HSF5: variants seen among roughly 807,000 people sequenced by gnomAD.
HSF5 encodes the protein heat shock factor protein 5.
Under a neutral mutation model 50.8 loss-of-function variants are expected in HSF5, and 5 were observed. That is an observed-to-expected ratio of 0.10 (90% confidence interval 0.05 to 0.21). The LOEUF (loss-of-function observed/expected upper bound fraction) is 0.21. Ranked by LOEUF, HSF5 falls within the 10% of genes least tolerant of loss-of-function variation. HSF5 has a pLI of 1.00. For synonymous variants in HSF5, 307 were observed against 307.4 expected (o/e 1.00, Z 0.02); for missense variants, 564 against 762.6 (o/e 0.74, Z 3.07).
At chr17:58,481,830 T>A (rs1975101745) in intron 1 of HSF5, among the ~76,000 whole-genome samples, 1 of 152,070 alleles carries the variant, frequency 6.6e-6, no homozygotes, top group Non-Finnish European at 1.5e-5. Flanking sequence ...TGAAACCCCA[T>A]CTCTACAAAA....
At chr17:58,455,823 C>T (rs1037653363) in intron 5 of HSF5, among the ~76,000 whole-genome samples, 1 of 151,606 alleles carries the variant, frequency 6.6e-6, no homozygotes, top group African/African-American at 2.4e-5. Context: ...ATAAAAAAGA[C>T]AAAAAATAAC....
chr17:58,458,617 T>C (rs1875520861), intron 5 of HSF5, 151 bp downstream of exon 5: 1 of 580,174 alleles, frequency 1.7e-6, no homozygotes, highest in Admixed American at 3.5e-5. Flanking sequence ...AGAACAAATA[T>C]AGAGTTAAAA....
In HSF5 at chr17:58,473,440, A is replaced by C. The variant is rs564649599; in HGVS notation, c.925+6453T>G. On this transcript the variant is annotated intron_variant, in intron 2 of 5. Coordinates refer to ENST00000323777, the MANE Select transcript of HSF5 (RefSeq NM_001080439.3). ...GATGAATATTCTTAAGTATGTTCAA[A>C]TATATAGTGGAGAATAAGTAAAATT... 4.6e-5 allele frequency among the ~76,000 whole-genome samples: 7 copies of C among 152,324 alleles called. No homozygotes were observed. The South Asian group carries it at 1.2e-3, about 27-fold the overall frequency.
At chr17:58,467,792 G>A (rs1974888490) in intron 2 of HSF5, among the ~76,000 whole-genome samples, 1 of 152,230 alleles carries the variant, frequency 6.6e-6, no homozygotes, top group Admixed American at 6.5e-5. Flanking sequence ...AGGACACTGT[G>A]AAAAGATTGA....
Position 58,463,202 on chromosome 17 carries a change from A to G in HSF5, c.1122T>C (p.Ala374=), listed in dbSNP as rs1418039905. 2 of 1,614,106 alleles carry G rather than the reference A, an allele frequency of 1.2e-6. No individual in the cohort carries two copies. Among genetic ancestry groups the G allele is most frequent in the African/African-American group, 1.3e-5 (1 of 74,936 alleles). The part of the protein sequence containing the change: ...ENTKTEVNLE[A]VFQIVDELHS... ...GCAACTCATCAACTATCTGAAAGAC[A>G]GCCTCTAGGTTTACTTCTGTCTTTG... The change falls in exon 4 of 6, where the codon GCT becomes GCC. Residue 374 remains alanine, a synonymous_variant. Transcript: ENST00000323777.
At chr17:58,437,091 A>G (rs1974437473) in intron 5 of HSF5, among the ~76,000 whole-genome samples, 1 of 152,204 alleles carries the variant, frequency 6.6e-6, no homozygotes. Context: ...GAGGTCAAAG[A>G]AAGTGGGCCA....
chr17:58,444,918 G>A (rs1290544203), intron 5 of HSF5, among the ~76,000 whole-genome samples: 1 of 151,764 alleles, frequency 6.6e-6, no homozygotes, highest in South Asian at 2.1e-4. Flanking sequence ...TTGAAAAATG[G>A]GCAAAAGACT....
At chr17:58,424,567 G>A (rs1182276890) in intron 5 of HSF5, among the ~76,000 whole-genome samples, 1 of 150,092 alleles carries the variant, frequency 6.7e-6, no homozygotes, top group South Asian at 2.1e-4. Flanking sequence ...AGCCAAGATG[G>A]AGCCACTGCA....
intron 5 of HSF5, among the ~76,000 whole-genome samples, chr17:58,426,656 A>G (rs1266170202): frequency 6.6e-6 from 1 of 152,220 alleles, no homozygotes; most frequent in East Asian, 1.9e-4. Flanking sequence ...TTAAACATTC[A>G]GTTTCCTTTG....
intron 4 of HSF5, among the ~76,000 whole-genome samples, chr17:58,459,200 T>A (rs113212520): frequency 2.6e-5 from 4 of 151,912 alleles, no homozygotes; most frequent in Non-Finnish European, 4.4e-5. Context: ...CTTACAAAAG[T>A]ACAGGTTTTT....
At chr17:58,480,678 G>A (rs570297377) in intron 1 of HSF5, among the ~76,000 whole-genome samples, 1 of 151,784 alleles carries the variant, frequency 6.6e-6, no homozygotes, top group African/African-American at 2.4e-5. Context: ...ATTAATAATA[G>A]GCATAAAAAT....
chr17:58,476,587 C>T lies in HSF5; in HGVS notation c.925+3306G>A, dbSNP rs548138189. 40 of 1,519,300 alleles carry T rather than the reference C, an allele frequency of 2.6e-5. No individual in the cohort carries two copies. The South Asian group carries it at 4.3e-4, about 16-fold the overall frequency. 94.1% of individuals were successfully genotyped at this position (1,519,300 alleles called of 1,614,324 possible). ...ATCAAAATAAAAATCTATTCTGTAACCTGATTTAATATCTTCGAATTCTGT... is the reference window on the plus strand; with the variant it reads ...ATCAAAATAAAAATCTATTCTGTAATCTGATTTAATATCTTCGAATTCTGT... On this transcript the variant is annotated intron_variant, in intron 2 of 5. Transcript: ENST00000323777.
chr17:58,460,478 T>TACAC (rs34994266), intron 4 of HSF5, among the ~76,000 whole-genome samples: 16 of 137,726 alleles, frequency 1.2e-4, no homozygotes, highest in South Asian at 2.3e-4. Context: ...TACATATATA[T>TACAC]ACACACACAC....
intron 2 of HSF5, among the ~76,000 whole-genome samples, chr17:58,479,075 T>C (rs777159470): frequency 1.3e-5 from 2 of 152,030 alleles, no homozygotes; most frequent in Non-Finnish European, 2.9e-5. Flanking sequence ...AGTTCTTAGC[T>C]GCCTAGGAAT....
At chr17:58,474,710 T>C (rs1974987806) in intron 2 of HSF5, among the ~76,000 whole-genome samples, 1 of 152,228 alleles carries the variant, frequency 6.6e-6, no homozygotes, top group Admixed American at 6.5e-5. Context: ...TCATAAAATT[T>C]AGAGCCAGTA....
At position 58,487,809 on chromosome 17, in the gene HSF5, G is replaced by C. The variant is rs1975211046; in HGVS notation, c.466C>G (p.Leu156Val). 6.4e-7 allele frequency: 1 copy of C among 1,558,516 alleles called. No homozygotes were observed. The highest frequency in any genetic ancestry group is 8.6e-7 in the Non-Finnish European group (1 of 1,161,854). Residue 156 changes from leucine (L) to valine (V), a missense_variant, in exon 1 of 6, where the codon CTC becomes GTC. This residue lies in a region of HSF5 where 21 missense variants were observed against 75.9 expected (regional missense o/e 0.28). Transcript: ENST00000323777. ...GTGGCGGCGGAGGCCGAGGTGATGA[G>C]CAGCCGCTGGAAGCGGTTGGGCGGG... ...CRPPNRFQRLLITSASAATAP... is the reference protein window; with the variant it reads ...CRPPNRFQRLVITSASAATAP...
chr17:58,436,964 C>T (rs1191857231), intron 5 of HSF5, among the ~76,000 whole-genome samples: 5 of 152,156 alleles, frequency 3.3e-5, no homozygotes, highest in African/African-American at 1.2e-4. Flanking sequence ...GACTGGGGGC[C>T]TTTTAATTCC....
chr17:58,431,104 T>C (rs1974358989), intron 5 of HSF5, among the ~76,000 whole-genome samples: 1 of 152,198 alleles, frequency 6.6e-6, no homozygotes, highest in Non-Finnish European at 1.5e-5. Flanking sequence ...GAGTTTCCCT[T>C]CAGAAGCTCT....
rs201073971 is a variant in HSF5, at chr17:58,472,302, ACC to A, written c.926-5325_926-5324del. On this transcript the variant is annotated intron_variant, in intron 2 of 5. Transcript: ENST00000323777. ...GACAACAAAGCAAGACCCTAGCTGTACCCCCCCCAAAAAAAGTGTTTTAATTA... is the reference window on the plus strand; with the variant it reads ...GACAACAAAGCAAGACCCTAGCTGTACCCCCCAAAAAAAGTGTTTTAATTA... Among the ~76,000 whole-genome samples, 246 of 150,998 alleles carry A rather than the reference ACC, an allele frequency of 1.6e-3. 4 individuals are homozygous for A. In the South Asian group the frequency reaches 0.019, roughly 11 times the overall value.
Sources: allele counts gnomAD v4.1 joint callset (sites outside exome capture counted in the v4.1 genomes callset), GRCh38; gene constraint gnomAD v4.1.1; regional missense constraint gnomAD v4.1.1; transcripts MANE v1.5; gene names NCBI Gene and HGNC (gene_info 2026-07-23, HGNC 2026-07-21).